Variants in RAB3C observed in about 807,000 individuals in gnomAD.
RAB3C encodes the protein ras-related protein Rab-3C.
A neutral mutation model predicts 26.4 loss-of-function variants in RAB3C; 17 were observed. The observed-to-expected ratio is 0.64, with a 90% confidence interval of 0.44 to 0.97. The LOEUF is 0.97. Among genes scored for constraint, RAB3C ranks in the 50% least tolerant of loss-of-function variants. RAB3C has a pLI of 0.00. For synonymous variants in RAB3C, 91 were observed against 95.9 expected (o/e 0.95, Z 0.30); for missense variants, 242 against 281.9 (o/e 0.86, Z 1.01).
At chr5:58,661,821 T>C (rs1747911838) in intron 2 of RAB3C, among the ~76,000 whole-genome samples, 1 of 149,430 alleles carries the variant, frequency 6.7e-6, no homozygotes. Flanking sequence ...TTATTATGTA[T>C]GCACACTGAG....
intron 3 of RAB3C, chr5:58,823,674 G>T: frequency 4.8e-6 from 1 of 207,894 alleles, no homozygotes. Flanking sequence ...TCAAAAGAAG[G>T]GAAGCTTCCT....
intron 2 of RAB3C, among the ~76,000 whole-genome samples, chr5:58,720,831 C>A (rs376808650): frequency 1.3e-5 from 2 of 151,822 alleles, no homozygotes; most frequent in Admixed American, 1.3e-4. Flanking sequence ...AGTTGTATTT[C>A]TTTACTAACG....
chr5:58,583,625 A>G (rs1050257387), intron 1 of RAB3C, among the ~76,000 whole-genome samples: 1 of 152,166 alleles, frequency 6.6e-6, no homozygotes, highest in Admixed American at 6.5e-5. Context: ...TCGGGGTTGA[A>G]GGCTCCCCAC....
intron 3 of RAB3C, among the ~76,000 whole-genome samples, chr5:58,775,508 A>C (rs1466450394): frequency 1.3e-5 from 2 of 152,130 alleles, no homozygotes; most frequent in East Asian, 3.9e-4. Flanking sequence ...GCTGACAGGT[A>C]ATGGGCGTGA....
intron 2 of RAB3C, among the ~76,000 whole-genome samples, chr5:58,674,352 T>C (rs1748181236): frequency 6.6e-6 from 1 of 152,224 alleles, no homozygotes. Flanking sequence ...GAAGTATATA[T>C]TAATATGTTT....
chr5:58,782,720 G>C (rs1742297512), intron 3 of RAB3C, among the ~76,000 whole-genome samples: 1 of 151,960 alleles, frequency 6.6e-6, no homozygotes, highest in African/African-American at 2.4e-5. Context: ...AGAATTGTTG[G>C]AACATAAGTC....
intron 4 of RAB3C, among the ~76,000 whole-genome samples, chr5:58,848,103 G>T (rs771887008): frequency 6.6e-6 from 1 of 152,094 alleles, no homozygotes; most frequent in African/African-American, 2.4e-5. Context: ...TGATCCACCT[G>T]CCTCAGCCTC....
intron 1 of RAB3C, among the ~76,000 whole-genome samples, chr5:58,594,146 G>C (rs546284054): frequency 6.6e-6 from 1 of 152,284 alleles, no homozygotes. Context: ...CCACCAAGTG[G>C]CTTGGATGAT....
intron 1 of RAB3C, among the ~76,000 whole-genome samples, chr5:58,605,327 A>G (rs1746536685): frequency 6.6e-6 from 1 of 152,122 alleles, no homozygotes; most frequent in Admixed American, 6.6e-5. Context: ...CCTCCCATGC[A>G]CCATGATTAT....
chr5:58,748,568 A>C (rs1741449956), intron 3 of RAB3C, among the ~76,000 whole-genome samples: 1 of 151,940 alleles, frequency 6.6e-6, no homozygotes, highest in African/African-American at 2.4e-5. Context: ...TGTAGCTCCA[A>C]CCTTATATTT....
At chr5:58,591,142 G>T (rs1456346256) in intron 1 of RAB3C, among the ~76,000 whole-genome samples, 2 of 152,048 alleles carry the variant, frequency 1.3e-5, no homozygotes, top group South Asian at 2.1e-4. Context: ...TTCTAAAATT[G>T]TTGACTTGTT....
intron 3 of RAB3C, among the ~76,000 whole-genome samples, chr5:58,817,615 T>C (rs1434002164): frequency 1.3e-5 from 2 of 152,138 alleles, no homozygotes; most frequent in Non-Finnish European, 2.9e-5. Flanking sequence ...AATAGATTAT[T>C]TAGAAACTAG....
chr5:58,765,525 T>G (rs1489120988), intron 3 of RAB3C, among the ~76,000 whole-genome samples: 2 of 152,214 alleles, frequency 1.3e-5, no homozygotes, highest in Non-Finnish European at 2.9e-5. Context: ...ATATTTGCTG[T>G]GCAACCTTCC....
intron 2 of RAB3C, among the ~76,000 whole-genome samples, chr5:58,682,544 CGT>C (rs1748367410): frequency 6.6e-6 from 1 of 151,816 alleles, no homozygotes; most frequent in South Asian, 2.1e-4. Flanking sequence ...ATTAGCCGGG[CGT>C]GGTGGCGGGC....
chr5:58,677,976 T>TG (rs1748261340), intron 2 of RAB3C, among the ~76,000 whole-genome samples: 5 of 147,888 alleles, frequency 3.4e-5, no homozygotes, highest in East Asian at 2.0e-4. Context: ...CTAGATTATT[T>TG]TGTGTGTGTG....
intron 2 of RAB3C, among the ~76,000 whole-genome samples, chr5:58,687,986 T>C (rs1748481486): frequency 6.6e-6 from 1 of 152,148 alleles, no homozygotes; most frequent in Non-Finnish European, 1.5e-5. Flanking sequence ...AGACACTAGA[T>C]GAATATGATA....
chr5:58,700,838 T>A (rs1411192591), intron 2 of RAB3C, among the ~76,000 whole-genome samples: 2 of 152,036 alleles, frequency 1.3e-5, no homozygotes, highest in East Asian at 3.9e-4. Context: ...AGGAAAAAAA[T>A]TGAGAGCACT....
At chr5:58,838,378 CAAAA>C (rs35356886) in intron 4 of RAB3C, among the ~76,000 whole-genome samples, 1 of 141,618 alleles carries the variant, frequency 7.1e-6, no homozygotes, top group Non-Finnish European at 1.5e-5. Flanking sequence ...GACTCCCTCT[CAAAA>C]AAAAAAAAAA....
intron 3 of RAB3C, chr5:58,822,747 T>C (rs998873119): frequency 5.3e-5 from 28 of 529,892 alleles, no homozygotes; most frequent in African/African-American, 1.9e-5. Context: ...ATGTACATGG[T>C]ACATGAACTA....
Sources: gnomAD v4.1 joint callset for allele counts (sites outside exome capture counted in the v4.1 genomes callset) on GRCh38, gnomAD v4.1.1 for gene constraint, MANE v1.5 for transcripts, NCBI Gene and HGNC (gene_info 2026-07-23, HGNC 2026-07-21) for gene names.